ODAD2: variants seen among roughly 807,000 people sequenced by gnomAD.
The protein encoded by ODAD2 is outer dynein arm docking complex subunit 2, also known as outer dynein arm-docking complex subunit 2.
A neutral mutation model predicts 106.8 loss-of-function variants in ODAD2; 89 were observed. That is an observed-to-expected ratio of 0.83 (90% confidence interval 0.70 to 0.99). The LOEUF is 0.99. ODAD2 is among the 50% of genes least tolerant of loss of function. ODAD2 has a pLI of 0.00. For missense variants in ODAD2, 1,168 were observed against 1,238.5 expected (o/e 0.94, Z 0.85); for synonymous variants, 404 against 436.2 (o/e 0.93, Z 0.92).
chr10:27,967,686 T>A (rs1270983305), intron 9 of ODAD2, among the ~76,000 whole-genome samples: 1 of 151,426 alleles, frequency 6.6e-6, no homozygotes, highest in African/African-American at 2.4e-5. Flanking sequence ...AGGTCAGGAG[T>A]TCAAGACCAG....
At chr10:27,979,139 G>A (rs572002107) in intron 7 of ODAD2, among the ~76,000 whole-genome samples, 27 of 151,168 alleles carry the variant, frequency 1.8e-4, no homozygotes, top group African/African-American at 5.1e-4. Context: ...GAACCCGGGA[G>A]GGGAGGTGAA....
At chr10:27,988,958 C>A (rs2133176315) in intron 2 of ODAD2, among the ~76,000 whole-genome samples, 1 of 152,186 alleles carries the variant, frequency 6.6e-6, no homozygotes, top group South Asian at 2.1e-4. Flanking sequence ...ACAGGAGGGA[C>A]AGAGGCAGCG....
At chr10:27,991,979 T>C (rs757669080) in intron 2 of ODAD2, among the ~76,000 whole-genome samples, 1 of 152,202 alleles carries the variant, frequency 6.6e-6, no homozygotes, top group Non-Finnish European at 1.5e-5. Context: ...TTTGGGTAAT[T>C]GAGAATATCT....
chr10:27,928,583 AG>A (rs1486384701), intron 16 of ODAD2, among the ~76,000 whole-genome samples: 1 of 152,120 alleles, frequency 6.6e-6, no homozygotes, highest in African/African-American at 2.4e-5. Flanking sequence ...CCTTTACTGC[AG>A]GTGAGAGTTT....
Position 27,907,667 on chromosome 10 carries a change from G to T in ODAD2, c.2606C>A (p.Ala869Glu). The change falls in exon 17 of 20, where the codon GCA becomes GAA. Residue 869 changes from alanine (A) to glutamate (E), a missense_variant. Transcript: ENST00000305242. Reference sequence around the variant, plus strand: ...TGACTTGCAGTCCGTTCTTACCTTTGCATTTTTGATGCATGGACAGAGTGC... The same window carrying T: ...TGACTTGCAGTCCGTTCTTACCTTTTCATTTTTGATGCATGGACAGAGTGC... Reference protein sequence around the residue: ...AWALCPCIKNAKDAGEMVRSF... With the variant: ...AWALCPCIKNEKDAGEMVRSF... 4 of 1,611,626 alleles carry T rather than the reference G, an allele frequency of 2.5e-6. No individual in the cohort carries two copies. The Middle Eastern group carries it at 6.6e-4, about 267-fold the overall frequency.
At chr10:27,829,715 T>C (rs1240501176) in intron 19 of ODAD2, among the ~76,000 whole-genome samples, 1 of 152,202 alleles carries the variant, frequency 6.6e-6, no homozygotes, top group Non-Finnish European at 1.5e-5. Context: ...TAATTTGTCT[T>C]TTTGCTAAAA....
At chr10:27,981,821 C>G in intron 6 of ODAD2, 1 of 327,384 alleles carries the variant, frequency 3.1e-6, no homozygotes. Context: ...CAAGGCTTTA[C>G]TGAGTACCTC....
chr10:27,965,751 C>A (rs1051387717), intron 9 of ODAD2, among the ~76,000 whole-genome samples: 1 of 152,130 alleles, frequency 6.6e-6, no homozygotes, highest in African/African-American at 2.4e-5. Context: ...GGGCTGAAAA[C>A]GGGCCATCTG....
At position 27,889,801 on chromosome 10, in the gene ODAD2, T is replaced by C. The variant is rs1842447224; in HGVS notation, c.2610+17862A>G. Among the ~76,000 whole-genome samples the C allele has an allele frequency of 2.6e-5, 4 of 152,166 alleles. No individual in the cohort carries two copies. The South Asian group carries it at 8.3e-4, about 32-fold the overall frequency. ...CGTGACCTCAGTTTTGTTGGCCAATTTGAGATTGGTGATCTCATGTTGATA... is the reference window on the plus strand; with the variant it reads ...CGTGACCTCAGTTTTGTTGGCCAATCTGAGATTGGTGATCTCATGTTGATA... On this transcript the variant is annotated intron_variant, in intron 17 of 19. Transcript: ENST00000305242.
chr10:27,924,008 A>AGAAAGAG (rs1845013910), intron 16 of ODAD2, among the ~76,000 whole-genome samples: 14 of 104,188 alleles, frequency 1.3e-4, no homozygotes, highest in Non-Finnish European at 2.2e-4. Flanking sequence ...GAAAGAAAGA[A>AGAAAGAG]AGAAAGAAAG....
At chr10:27,959,688 A>G (rs1847990235) in intron 10 of ODAD2, among the ~76,000 whole-genome samples, 1 of 152,066 alleles carries the variant, frequency 6.6e-6, no homozygotes, top group East Asian at 1.9e-4. Context: ...AATTCCTAGG[A>G]ATTTTCATGA....
chr10:27,871,562 C>T (rs550635740), intron 17 of ODAD2, among the ~76,000 whole-genome samples: 2 of 152,124 alleles, frequency 1.3e-5, no homozygotes, highest in Non-Finnish European at 2.9e-5. Flanking sequence ...CCAGTTTCAC[C>T]TTTCTACATA....
chr10:27,833,345 AT>A (rs1273201185), intron 19 of ODAD2, among the ~76,000 whole-genome samples: 1 of 150,212 alleles, frequency 6.7e-6, no homozygotes, highest in South Asian at 2.2e-4. Context: ...GATTGCCTGT[AT>A]TTATCACCTT....
rs182174196 is a variant in ODAD2 at position 27,936,244 on chromosome 10, G to C, written c.2252+482C>G. On this transcript the variant is annotated intron_variant, in intron 15 of 19. Coordinates refer to ENST00000305242, the MANE Select transcript of ODAD2 (RefSeq NM_018076.5). ...TAAAATAAATCAAATGGTCATAAAG[G>C]TTACAAATACTTTAAAATCGAATCT... Among the ~76,000 whole-genome samples, 18 of 152,168 alleles carry C rather than the reference G, an allele frequency of 1.2e-4. No individual in the cohort carries two copies. The South Asian group carries it at 3.7e-3, about 32-fold the overall frequency.
chr10:27,860,466 A>AT (rs1839958853), intron 19 of ODAD2, among the ~76,000 whole-genome samples, 159 bp downstream of exon 19: 1 of 152,110 alleles, frequency 6.6e-6, no homozygotes, highest in South Asian at 2.1e-4. Flanking sequence ...AGAAAAAAAA[A>AT]GTCATGATAA....
intron 17 of ODAD2, among the ~76,000 whole-genome samples, chr10:27,875,299 A>C (rs1841247084): frequency 6.6e-6 from 1 of 152,112 alleles, no homozygotes; most frequent in Non-Finnish European, 1.5e-5. Flanking sequence ...TGATGGTTTA[A>C]ACTTCCTCCT....
At chr10:27,911,343 G>C (rs1330547650) in intron 16 of ODAD2, among the ~76,000 whole-genome samples, 1 of 152,148 alleles carries the variant, frequency 6.6e-6, no homozygotes, top group East Asian at 1.9e-4. Context: ...CACGTGTCCA[G>C]GAATGACAGC....
At chr10:27,852,935 T>G (rs1325592863) in intron 19 of ODAD2, among the ~76,000 whole-genome samples, 5 of 119,402 alleles carry the variant, frequency 4.2e-5, no homozygotes, top group South Asian at 2.6e-4. Flanking sequence ...CACTCCAGCC[T>G]GGGTGACAGA....
intron 19 of ODAD2, among the ~76,000 whole-genome samples, chr10:27,814,943 G>A (rs1396303323): frequency 6.6e-6 from 1 of 152,154 alleles, no homozygotes; most frequent in African/African-American, 2.4e-5. Context: ...ATCAAAATTT[G>A]TGTCCCTCTC....
Sources: gnomAD v4.1 joint callset for allele counts (sites outside exome capture counted in the v4.1 genomes callset) on GRCh38, gnomAD v4.1.1 for gene constraint, MANE v1.5 for transcripts, NCBI Gene and HGNC (gene_info 2026-07-23, HGNC 2026-07-21) for gene names.